RPL9: variants seen among roughly 807,000 people sequenced by gnomAD.
The protein encoded by RPL9 is ribosomal protein L9, also known as large ribosomal subunit protein uL6.
For missense variants in RPL9, 149 were observed against 236.7 expected (o/e 0.63, Z 2.43); for synonymous variants, 82 against 77.1 (o/e 1.06, Z -0.33).
At position 39,454,520 on chromosome 4, in the gene RPL9, T is replaced by C. The variant is rs548381262; in HGVS notation, c.*10+13A>G. 1.9e-6 allele frequency: 3 copies of C among 1,579,156 alleles called. No individual in the cohort carries two copies. The highest frequency in any genetic ancestry group is 4.5e-5 in the East Asian group (2 of 44,632). Reference sequence around the variant, plus strand: ...AGAGCAGTAATAAAACTTAAGACACTGTAAGAACTTACCTCTTAGATCTTA... The same window carrying C: ...AGAGCAGTAATAAAACTTAAGACACCGTAAGAACTTACCTCTTAGATCTTA... On this transcript the variant is annotated intron_variant, in intron 7 of 7. Coordinates refer to ENST00000295955, the MANE Select transcript of RPL9 (RefSeq NM_000661.5).
At chr4:39,454,832 T>C in intron 6 of RPL9, 32 bp downstream of exon 6, 5 of 1,596,798 alleles carry the variant, frequency 3.1e-6, no homozygotes, top group East Asian at 2.2e-5. Flanking sequence ...CAAAATCTTG[T>C]AGGCATAGTT....
Position 39,458,466 on chromosome 4 carries a change from G to A in RPL9, c.-1-26C>T, listed in dbSNP as rs1744221877. On this transcript the variant is annotated intron_variant, in intron 1 of 7. Coordinates refer to ENST00000295955, the MANE Select transcript of RPL9 (RefSeq NM_000661.5). ...CTGAAACACAAACACTGGGGGTGAGGCCGACGCAAGGCCCGTTTTTCCACC... is the reference window on the plus strand; with the variant it reads ...CTGAAACACAAACACTGGGGGTGAGACCGACGCAAGGCCCGTTTTTCCACC... The A allele has an allele frequency of 1.9e-6, 3 of 1,612,788 alleles. 1 individual carries two copies. Among genetic ancestry groups the A allele is most frequent in the East Asian group, 4.5e-5 (2 of 44,882 alleles).
chr4:39,454,800 T>C (rs1053504165), intron 6 of RPL9, 64 bp downstream of exon 6: 2 of 1,541,410 alleles, frequency 1.3e-6, no homozygotes, highest in African/African-American at 2.8e-5. Context: ...AGCAAAATAC[T>C]GTATTTTAAA....
intron 3 of RPL9, chr4:39,457,979 G>GTCAC (rs1337218350): frequency 2.9e-6 from 2 of 690,752 alleles, no homozygotes; most frequent in Non-Finnish European, 5.2e-6. Flanking sequence ...ATTAAGACGT[G>GTCAC]TCACTGATGA....
At position 39,457,628 on chromosome 4, in the gene RPL9, A is replaced by C. The variant is rs772601982; in HGVS notation, c.216T>G (p.Thr72=). Residue 72 remains threonine (T), a synonymous_variant, in exon 4 of 8, where the codon ACT becomes ACG. Coordinates refer to ENST00000295955, the MANE Select transcript of RPL9 (RefSeq NM_000661.5). ...GNRKELATVR[T]ICSHVQNMIK... ...TCATGTTCTGTACATGACTACAAAT[A>C]GTCCGAACGGTAGCCAGTTCCTTTC... The C allele has an allele frequency of 2.3e-5, 37 of 1,614,072 alleles. No homozygotes were observed. The highest frequency in any genetic ancestry group is 3.0e-5 in the Non-Finnish European group (35 of 1,180,020).
Position 39,454,527 on chromosome 4 carries a change from A to G in RPL9, c.*10+6T>C. On this transcript the variant is annotated splice_donor_region_variant and intron_variant, in intron 7 of 7. Coordinates refer to ENST00000295955, the MANE Select transcript of RPL9 (RefSeq NM_000661.5). ...TAATAAAACTTAAGACACTGTAAGA[A>G]CTTACCTCTTAGATCTTATTCATCA... 1 of 1,593,390 alleles carries G rather than the reference A, an allele frequency of 6.3e-7. No individual in the cohort carries two copies. Among genetic ancestry groups the G allele is most frequent in the Non-Finnish European group, 8.6e-7 (1 of 1,165,788 alleles).
chr4:39,454,449 C>T (rs1744007647), intron 7 of RPL9, 84 bp downstream of exon 7: 1 of 1,029,994 alleles, frequency 9.7e-7, no homozygotes, highest in Non-Finnish European at 1.4e-6. Context: ...TCTATTACTA[C>T]AAATTCAGTT....
intron 5 of RPL9, among the ~76,000 whole-genome samples, chr4:39,455,535 T>TAA (rs1308113598): frequency 1.3e-5 from 2 of 150,362 alleles, no homozygotes; most frequent in Non-Finnish European, 3.0e-5. Flanking sequence ...ACAAAAAACT[T>TAA]AAAAATTAGC....
intron 4 of RPL9, 73 bp downstream of exon 4, chr4:39,457,513 A>G (rs1744151368): frequency 8.0e-7 from 1 of 1,249,326 alleles, no homozygotes; most frequent in African/African-American, 1.5e-5. Flanking sequence ...TGAAAGAGAC[A>G]CTTACGCTGT....
In RPL9 at chr4:39,454,244, A is replaced by T. The variant is rs1469072188; in HGVS notation, c.*11-19T>A. On this transcript the variant is annotated intron_variant, in intron 7 of 7. Transcript: ENST00000295955. The stretch of plus-strand genomic sequence containing the variant: ...CAGGTAACTGTAAAAAAAGAAAAAA[A>T]ATCTGTAAATCCCCATCAATACACT... 1 of 210,022 alleles carries T rather than the reference A, an allele frequency of 4.8e-6. No homozygotes were observed. Among genetic ancestry groups the T allele is most frequent in the Non-Finnish European group, 9.5e-6 (1 of 105,476 alleles). The allele number at this position is 210,022 out of a possible 1,614,324, so 13.0% of individuals were successfully genotyped here.
At chr4:39,457,368 C>G in intron 4 of RPL9, 1 of 334,336 alleles carries the variant, frequency 3.0e-6, no homozygotes. Context: ...AAAAAAAAAA[C>G]CCAACAACAG....
chr4:39,455,807 TACTGTG>T (rs1744063931), intron 5 of RPL9: 1 of 159,826 alleles, frequency 6.3e-6, no homozygotes, highest in Non-Finnish European at 1.4e-5. Flanking sequence ...TTTTTAAAGC[TACTGTG>T]TTTACTATGT....
At chr4:39,457,384 A>C (rs1744140751) in intron 4 of RPL9, 4 of 451,392 alleles carry the variant, frequency 8.9e-6, no homozygotes, top group Non-Finnish European at 1.6e-5. Flanking sequence ...AACAGAAAAA[A>C]ACAAACATGT....
At chr4:39,458,540 A>C (rs1471693062) in intron 1 of RPL9, 100 bp from the exon 2 acceptor site, 2 of 1,301,972 alleles carry the variant, frequency 1.5e-6, no homozygotes, top group Non-Finnish European at 1.1e-6. Context: ...GCCAGGCGGA[A>C]GTTCCAGACA....
Position 39,458,075 on chromosome 4 carries a change from G to A in RPL9, c.162+119C>T, listed in dbSNP as rs775534966. The A allele has an allele frequency of 4.3e-5, 42 of 984,162 alleles. No individual in the cohort carries two copies. In the African/African-American group the frequency reaches 5.3e-4, roughly 12 times the overall value. 61.0% of individuals were successfully genotyped at this position (984,162 alleles called of 1,614,324 possible). A position where few individuals can be genotyped will look rare whatever the true frequency, so the allele number is the denominator to read the frequency against. On this transcript the variant is annotated intron_variant, in intron 3 of 7. Coordinates refer to ENST00000295955, the MANE Select transcript of RPL9 (RefSeq NM_000661.5). ...ACTGAACAGGCTGGTATTCTGGACA[G>A]CAACATTTAAAGCTGAAGCACTGAA...
intron 4 of RPL9, 164 bp from the exon 5 acceptor site, chr4:39,456,702 T>C: frequency 2.7e-6 from 2 of 733,172 alleles, no homozygotes; most frequent in Non-Finnish European, 4.4e-6. Context: ...GTTCTGTCTA[T>C]TCAGTGGACT....
At chr4:39,455,120 C>T (rs1443355890) in intron 5 of RPL9, 176 bp from the exon 6 acceptor site, 8 of 571,528 alleles carry the variant, frequency 1.4e-5, no homozygotes, top group African/African-American at 1.1e-4. Flanking sequence ...GAGGCCGAGG[C>T]GGGCGGATCA....
chr4:39,457,297 G>C, intron 4 of RPL9: 1 of 267,366 alleles, frequency 3.7e-6, no homozygotes, highest in Non-Finnish European at 7.1e-6. Context: ...GGGAGGCCAA[G>C]GTGGGAGGAT....
chr4:39,457,242 C>A, intron 4 of RPL9: 1 of 187,616 alleles, frequency 5.3e-6, no homozygotes, highest in Non-Finnish European at 1.1e-5. Context: ...AAGTTGTACC[C>A]ATCTAGCCAT....
Sources: gnomAD v4.1 joint callset for allele counts (sites outside exome capture counted in the v4.1 genomes callset) on GRCh38, gnomAD v4.1.1 for gene constraint, MANE v1.5 for transcripts, NCBI Gene and HGNC (gene_info 2026-07-23, HGNC 2026-07-21) for gene names.